PTPRN2: variants seen among roughly 807,000 people sequenced by gnomAD.
The protein encoded by PTPRN2 is receptor-type tyrosine-protein phosphatase N2.
In PTPRN2, 74 loss-of-function variants were observed where a neutral mutation model predicts 118.8. That is an observed-to-expected ratio of 0.62 (90% CI 0.52 to 0.76). The LOEUF is 0.76. Among genes scored for constraint, PTPRN2 ranks in the 30% least tolerant of loss-of-function variants. The pLI is 0.00. For missense variants in PTPRN2, 1,481 were observed against 1,394.4 expected, an observed-to-expected ratio of 1.06 and a Z score of -0.99; for synonymous variants, 641 against 608.0, an observed-to-expected ratio of 1.05 and a Z score of -0.80.
intron 3 of PTPRN2, among the ~76,000 whole-genome samples, chr7:158,210,528 A>C (rs1585860226): frequency 6.6e-6 from 1 of 152,316 alleles, no homozygotes; most frequent in East Asian, 1.9e-4. Flanking sequence ...AAGATCAATG[A>C]AACAAAAAGT....
chr7:158,071,141 G>A (rs138755397), intron 11 of PTPRN2, among the ~76,000 whole-genome samples: 1,845 of 9,464 alleles, frequency 0.19, 176 homozygotes, highest in East Asian at 0.38. Context: ...GGAGGTGCTC[G>A]TGGTGGTGGA....
intron 6 of PTPRN2, 106 bp from the exon 7 acceptor site, chr7:158,138,621 G>A: frequency 9.5e-7 from 1 of 1,049,722 alleles, no homozygotes; most frequent in South Asian, 1.5e-5. Context: ...TCCCAAGGCA[G>A]TGGCCACCTA....
chr7:157,620,471 G>T (rs1585123133), intron 15 of PTPRN2, among the ~76,000 whole-genome samples: 1 of 152,336 alleles, frequency 6.6e-6, no homozygotes, highest in East Asian at 1.9e-4. Context: ...AGTTAAAGAT[G>T]CTGTAAAAGC....
At chr7:157,789,615 G>A (rs1470857235) in intron 12 of PTPRN2, among the ~76,000 whole-genome samples, 1 of 152,202 alleles carries the variant, frequency 6.6e-6, no homozygotes, top group East Asian at 1.9e-4. Flanking sequence ...CTTTGACAGT[G>A]TGTGTGTATG....
chr7:157,888,657 A>AGC, intron 12 of PTPRN2, among the ~76,000 whole-genome samples: 1 of 150,674 alleles, frequency 6.6e-6, no homozygotes, highest in Admixed American at 6.7e-5. Flanking sequence ...GCCTACGCGC[A>AGC]GCACCATGCC....
intron 12 of PTPRN2, among the ~76,000 whole-genome samples, chr7:157,717,654 C>T (rs1021345726): frequency 3.3e-5 from 5 of 152,270 alleles, no homozygotes; most frequent in African/African-American, 7.2e-5. Context: ...GGCCAGGCAG[C>T]GGCCAACCCA....
chr7:157,942,240 G>A (rs962662826), intron 11 of PTPRN2, among the ~76,000 whole-genome samples: 15 of 150,310 alleles, frequency 1.0e-4, no homozygotes, highest in South Asian at 8.4e-4. Flanking sequence ...TCCTCGGCAC[G>A]CCTTTCCAGA....
intron 3 of PTPRN2, among the ~76,000 whole-genome samples, chr7:158,248,889 C>T (rs563109996): frequency 0.014 from 219 of 16,172 alleles, 2 homozygotes; most frequent in Middle Eastern, 0.067. Context: ...ACGCATCACA[C>T]GCAGCACATA....
At chr7:158,149,296 A>G (rs1212396952) in intron 6 of PTPRN2, among the ~76,000 whole-genome samples, 1 of 152,198 alleles carries the variant, frequency 6.6e-6, no homozygotes, top group African/African-American at 2.4e-5. Flanking sequence ...TTTATAAAGC[A>G]ATGTCATCAA....
intron 9 of PTPRN2, among the ~76,000 whole-genome samples, chr7:158,125,169 C>A (rs1817530718): frequency 6.6e-6 from 1 of 151,964 alleles, no homozygotes. Flanking sequence ...CCCACGGCCG[C>A]CTCCCTGTCT....
intron 1 of PTPRN2, among the ~76,000 whole-genome samples, chr7:158,572,775 T>C (rs1828117740): frequency 1.3e-5 from 2 of 152,238 alleles, no homozygotes; most frequent in Admixed American, 6.5e-5. Flanking sequence ...TCTTTGCCAC[T>C]TAAATTGCTT....
intron 15 of PTPRN2, among the ~76,000 whole-genome samples, chr7:157,613,368 C>G (rs1169247508): frequency 6.6e-6 from 1 of 152,226 alleles, no homozygotes; most frequent in Non-Finnish European, 1.5e-5. Context: ...CTGGCAGAGA[C>G]GGCTGCGGGG....
intron 1 of PTPRN2, among the ~76,000 whole-genome samples, chr7:158,567,067 G>C (rs1243288759): frequency 6.6e-6 from 1 of 152,230 alleles, no homozygotes; most frequent in Non-Finnish European, 1.5e-5. Flanking sequence ...AAAGGAGAAA[G>C]GATTTTTCAT....
In PTPRN2 at chr7:158,071,798, CCT is replaced by C. The variant is rs1811854796; in HGVS notation, c.1723+9498_1723+9499del. ...AGGTGCTTGTGGTGGTGGAGGTGCT[CCT>C]GGTGGAGGTGCTCGTCGTATGGAGG... On this transcript the variant is annotated intron_variant, in intron 11 of 22. Coordinates refer to ENST00000389418, the MANE Select transcript of PTPRN2 (RefSeq NM_002847.5). 5.2e-5 allele frequency among the ~76,000 whole-genome samples: 5 copies of C among 95,838 alleles called. 2 individuals carry two copies. The highest frequency in any genetic ancestry group is 1.1e-4 in the African/African-American group (2 of 17,428). The allele number at this position is 95,838 out of a possible 152,430, so 62.9% of individuals were successfully genotyped here. A position where few individuals can be genotyped will look rare whatever the true frequency, so the allele number is the denominator to read the frequency against.
At chr7:158,045,563 C>T (rs1014678798) in intron 11 of PTPRN2, among the ~76,000 whole-genome samples, 16 of 152,196 alleles carry the variant, frequency 1.1e-4, no homozygotes, top group Non-Finnish European at 1.5e-4. Flanking sequence ...CATTCAGAGA[C>T]GGTCTCTGAA....
intron 2 of PTPRN2, among the ~76,000 whole-genome samples, chr7:158,322,965 C>A (rs985796232): frequency 6.6e-6 from 1 of 152,212 alleles, no homozygotes; most frequent in Non-Finnish European, 1.5e-5. Flanking sequence ...TAGACTGGAG[C>A]CATCTGCAAG....
At chr7:157,760,423 G>T (rs1056123275) in intron 12 of PTPRN2, among the ~76,000 whole-genome samples, 4 of 151,958 alleles carry the variant, frequency 2.6e-5, no homozygotes, top group African/African-American at 9.7e-5. Context: ...GGCTCATGAC[G>T]CAAATAAAAC....
intron 15 of PTPRN2, among the ~76,000 whole-genome samples, chr7:157,612,050 C>T (rs1802379386): frequency 6.6e-6 from 1 of 152,208 alleles, no homozygotes; most frequent in South Asian, 2.1e-4. Flanking sequence ...ACATACACTG[C>T]CCATCCCTGG....
chr7:158,145,872 G>C (rs1819918933), intron 6 of PTPRN2, among the ~76,000 whole-genome samples: 1 of 152,218 alleles, frequency 6.6e-6, no homozygotes, highest in Non-Finnish European at 1.5e-5. Context: ...CATGCTCCCG[G>C]AGTCTTGGCC....
Sources: allele counts gnomAD v4.1 joint callset (sites outside exome capture counted in the v4.1 genomes callset), GRCh38; gene constraint gnomAD v4.1.1; transcripts MANE v1.5; gene names NCBI Gene and HGNC (gene_info 2026-07-23, HGNC 2026-07-21).